The following THSD7B variants were observed in gnomAD, a reference collection of about 807,000 sequenced individuals.
THSD7B encodes the protein thrombospondin type-1 domain-containing protein 7B.
In THSD7B, 138 loss-of-function variants were observed where a neutral mutation model predicts 213.6. The ratio of observed to expected loss-of-function variants is 0.65; its 90% CI spans 0.56 to 0.74. THSD7B has a LOEUF of 0.74. Among genes scored for constraint, THSD7B ranks in the 30% least tolerant of loss-of-function variants. The pLI is 0.00. For synonymous variants in THSD7B, 742 were observed against 687.0 expected (o/e 1.08, Z -1.25); for missense variants, 1,931 against 1,991.5 (o/e 0.97, Z 0.58).
At chr2:136,974,394 C>G (rs887238431) in intron 2 of THSD7B, among the ~76,000 whole-genome samples, 8 of 152,202 alleles carry the variant, frequency 5.3e-5, no homozygotes, top group African/African-American at 1.2e-4. Flanking sequence ...GTTCTCCTCC[C>G]TGTATCCATG....
intron 14 of THSD7B, among the ~76,000 whole-genome samples, chr2:137,441,048 T>A (rs777921435): frequency 1.3e-5 from 2 of 152,134 alleles, no homozygotes; most frequent in African/African-American, 4.8e-5. Flanking sequence ...TCTATTTAGA[T>A]AGTATATTAG....
chr2:137,406,847 T>A (rs1686532149), intron 13 of THSD7B, among the ~76,000 whole-genome samples: 1 of 152,230 alleles, frequency 6.6e-6, no homozygotes, highest in South Asian at 2.1e-4. Context: ...CCACATGATT[T>A]TATGCAACAT....
chr2:137,637,365 T>C (rs1385613083), intron 20 of THSD7B, among the ~76,000 whole-genome samples: 3 of 152,196 alleles, frequency 2.0e-5, no homozygotes, highest in Non-Finnish European at 2.9e-5. Flanking sequence ...AAAAGAAATA[T>C]AGTAAAAGAT....
chr2:137,096,886 A>C (rs1688049536), intron 4 of THSD7B, among the ~76,000 whole-genome samples: 1 of 152,220 alleles, frequency 6.6e-6, no homozygotes, highest in African/African-American at 2.4e-5. Flanking sequence ...TGCCAGGCCC[A>C]GGGCTTAGCA....
At chr2:137,176,937 C>A (rs1680369002) in intron 7 of THSD7B, among the ~76,000 whole-genome samples, 1 of 150,580 alleles carries the variant, frequency 6.6e-6, no homozygotes, top group African/African-American at 2.4e-5. Context: ...GAATCTTTGT[C>A]ACAGAGTTTC....
chr2:137,201,940 T>C (rs1031270756), intron 7 of THSD7B, among the ~76,000 whole-genome samples: 14 of 152,292 alleles, frequency 9.2e-5, no homozygotes, highest in African/African-American at 3.4e-4. Context: ...TGCTCAAGGC[T>C]TTGCCCATTT....
intron 5 of THSD7B, among the ~76,000 whole-genome samples, chr2:137,139,866 G>A (rs1303033941): frequency 6.6e-6 from 1 of 152,058 alleles, no homozygotes; most frequent in African/African-American, 2.4e-5. Context: ...AACACATGAT[G>A]TCAAATACTT....
chr2:137,033,823 G>C (rs1350301169), intron 2 of THSD7B, among the ~76,000 whole-genome samples: 7 of 151,710 alleles, frequency 4.6e-5, no homozygotes. Flanking sequence ...TAAGTTCTAG[G>C]GTACATGTGC....
chr2:137,051,442 T>G, intron 2 of THSD7B, among the ~76,000 whole-genome samples: 1 of 152,220 alleles, frequency 6.6e-6, no homozygotes, highest in African/African-American at 2.4e-5. Context: ...TTATTTTAAT[T>G]ATTCCGTAGT....
intron 12 of THSD7B, among the ~76,000 whole-genome samples, chr2:137,313,709 C>T (rs184538557): frequency 2.1e-4 from 32 of 152,168 alleles, no homozygotes; most frequent in African/African-American, 7.2e-4. Context: ...CTGGTGGTGA[C>T]AAAATCTCTC....
chr2:137,028,107 A>G (rs1686587990), intron 2 of THSD7B, among the ~76,000 whole-genome samples: 1 of 152,192 alleles, frequency 6.6e-6, no homozygotes, highest in Non-Finnish European at 1.5e-5. Context: ...TCTAGAATCT[A>G]AATAGATTTC....
chr2:136,860,892 T>A (rs966535339), intron 1 of THSD7B, among the ~76,000 whole-genome samples: 1 of 152,224 alleles, frequency 6.6e-6, no homozygotes, highest in Non-Finnish European at 1.5e-5. Context: ...AATCATTCTA[T>A]TTCTCATGTT....
At chr2:136,889,580 G>T (rs1351547102) in intron 2 of THSD7B, among the ~76,000 whole-genome samples, 3 of 152,166 alleles carry the variant, frequency 2.0e-5, no homozygotes, top group Non-Finnish European at 4.4e-5. Flanking sequence ...TTCTTGTTCA[G>T]CTTTTTCTTT....
At chr2:137,675,313 TG>T (rs1683672665) in intron 27 of THSD7B, among the ~76,000 whole-genome samples, 1 of 20,298 alleles carries the variant, frequency 4.9e-5, no homozygotes, top group South Asian at 3.6e-3. Context: ...TTAAAATCTT[TG>T]TTTTTTACGT....
chr2:137,460,787 C>G (rs115856600), intron 15 of THSD7B, among the ~76,000 whole-genome samples: 3 of 152,230 alleles, frequency 2.0e-5, no homozygotes, highest in African/African-American at 7.2e-5. Flanking sequence ...TAAACATTCT[C>G]TCTCACTTAC....
At position 137,514,486 on chromosome 2, in the gene THSD7B, C is replaced by T. The variant is rs571730930; in HGVS notation, c.3139-48735C>T. Among the ~76,000 whole-genome samples, 34 of 152,222 alleles carry T rather than the reference C, an allele frequency of 2.2e-4. No homozygotes were observed. In the East Asian group the frequency reaches 5.8e-3, roughly 26 times the overall value. On this transcript the variant is annotated intron_variant, in intron 15 of 27. Coordinates refer to ENST00000409968, the MANE Select transcript of THSD7B (RefSeq NM_001316349.2). Reference sequence around the variant, plus strand: ...TCCTCAGCTTACAGATGGCCTATTGCGGGACCTTGTGATACTGTGAGTTAA... The same window carrying T: ...TCCTCAGCTTACAGATGGCCTATTGTGGGACCTTGTGATACTGTGAGTTAA...
chr2:137,390,489 A>C (rs1685996828), intron 12 of THSD7B, among the ~76,000 whole-genome samples: 1 of 152,162 alleles, frequency 6.6e-6, no homozygotes, highest in South Asian at 2.1e-4. Flanking sequence ...AAAGAGAAAC[A>C]ATTTGACATC....
intron 1 of THSD7B, among the ~76,000 whole-genome samples, chr2:136,857,982 A>T (rs1651427473): frequency 6.6e-6 from 1 of 152,232 alleles, no homozygotes; most frequent in African/African-American, 2.4e-5. Context: ...ATATTTATGC[A>T]CTGGCTGCCT....
At chr2:137,189,306 A>T (rs936019683) in intron 7 of THSD7B, among the ~76,000 whole-genome samples, 1 of 152,154 alleles carries the variant, frequency 6.6e-6, no homozygotes, top group African/African-American at 2.4e-5. Flanking sequence ...CTTGTCAAGA[A>T]CCTATGAGTG....
Sources: gnomAD v4.1 joint callset for allele counts (sites outside exome capture counted in the v4.1 genomes callset) on GRCh38, gnomAD v4.1.1 for gene constraint, MANE v1.5 for transcripts, NCBI Gene and HGNC (gene_info 2026-07-23, HGNC 2026-07-21) for gene names.